Variants in GPLD1 observed in about 807,000 individuals in gnomAD.
The protein encoded by GPLD1 is phosphatidylinositol-glycan-specific phospholipase D.
In GPLD1, 84 loss-of-function variants were observed where a neutral mutation model predicts 112.6. That is an observed-to-expected ratio of 0.75 (90% CI 0.63 to 0.89). The LOEUF (loss-of-function observed/expected upper bound fraction) is 0.89, where lower values mean the gene tolerates loss of function less well. Among genes scored for constraint, GPLD1 ranks in the 40% least tolerant of loss-of-function variants. The pLI, the probability that GPLD1 is intolerant of heterozygous loss-of-function variation, is 0.00. For synonymous variants in GPLD1, 386 were observed against 403.8 expected (o/e 0.96, Z 0.53); for missense variants, 1,044 against 1,051.5 (o/e 0.99, Z 0.10).
chr6:24,483,102 C>T (rs1453194428), intron 2 of GPLD1, among the ~76,000 whole-genome samples: 4 of 151,322 alleles, frequency 2.6e-5, no homozygotes, highest in South Asian at 2.1e-4. Context: ...CTGACGCGGG[C>T]GGATCACTCG....
At chr6:24,456,784 C>A in intron 12 of GPLD1, 147 bp from the exon 13 acceptor site, 1 of 533,286 alleles carries the variant, frequency 1.9e-6, no homozygotes, top group South Asian at 3.1e-5. Flanking sequence ...GTCCTATCAG[C>A]AAGTAAGATC....
At chr6:24,474,257 A>G (rs1349308867) in intron 5 of GPLD1, among the ~76,000 whole-genome samples, 2 of 152,134 alleles carry the variant, frequency 1.3e-5, no homozygotes, top group Non-Finnish European at 2.9e-5. Flanking sequence ...AAGCTACTAC[A>G]GACAACTCTG....
chr6:24,462,283 C>G lies in GPLD1; in HGVS notation c.887+447G>C, dbSNP rs1174574446. On this transcript the variant is annotated intron_variant, in intron 11 of 24. Coordinates refer to ENST00000230036, the MANE Select transcript of GPLD1 (RefSeq NM_001503.4). Reference sequence around the variant, plus strand: ...AAGTAGCTGGGACTACAGGCACACACCACCATACCTGGCTAATTTTGTTCA... The same window carrying G: ...AAGTAGCTGGGACTACAGGCACACAGCACCATACCTGGCTAATTTTGTTCA... Among the ~76,000 whole-genome samples, 3 of 152,116 alleles carry G rather than the reference C, an allele frequency of 2.0e-5. 1 individual carries two copies. Among genetic ancestry groups the G allele is most frequent in the Admixed American group, 2.0e-4 (3 of 15,268 alleles).
Position 24,489,462 on chromosome 6 carries a change from A to G in GPLD1, c.50T>C (p.Leu17Pro), listed in dbSNP as rs1581795046. 1.9e-6 allele frequency: 3 copies of G among 1,614,072 alleles called. No homozygotes were observed. The highest frequency in any genetic ancestry group is 2.5e-6 in the Non-Finnish European group (3 of 1,179,934). Residue 17 changes from leucine (L) to proline (P), a missense_variant, in exon 1 of 25, where the codon CTC (leucine) becomes CCC (proline). Leu to Pro is a moderately conservative substitution (Grantham distance 98, BLOSUM62 -3). Transcript: ENST00000230036. The part of the protein sequence containing the change: ...WPGLLIMLGS[L>P]CHRGSPCGLS... Reference sequence around the variant, plus strand: ...GCCACACGGTGAACCTCTATGGCAGAGAGAACCCAACATGATCAGCAGGCC... The same window carrying G: ...GCCACACGGTGAACCTCTATGGCAGGGAGAACCCAACATGATCAGCAGGCC...
intron 1 of GPLD1, among the ~76,000 whole-genome samples, chr6:24,488,007 C>T (rs1376328397): frequency 1.3e-5 from 2 of 152,104 alleles, no homozygotes; most frequent in Non-Finnish European, 2.9e-5. Flanking sequence ...GTATATATGT[C>T]TATTTTGCAC....
At chr6:24,488,951 A>G (rs946047658) in intron 1 of GPLD1, among the ~76,000 whole-genome samples, 1 of 152,066 alleles carries the variant, frequency 6.6e-6, no homozygotes, top group Non-Finnish European at 1.5e-5. Flanking sequence ...AAGCACTTTT[A>G]CAGCAATTTG....
chr6:24,476,337 A>C, intron 3 of GPLD1, 59 bp from the exon 4 acceptor site: 1 of 822,764 alleles, frequency 1.2e-6, no homozygotes, highest in Non-Finnish European at 2.1e-6. Flanking sequence ...GTCTCAATCA[A>C]ATCTTCCACA....
chr6:24,467,382 C>A, intron 7 of GPLD1, 108 bp from the exon 8 acceptor site: 1 of 687,720 alleles, frequency 1.5e-6, no homozygotes, highest in South Asian at 1.7e-5. Flanking sequence ...TGCCAGGCAC[C>A]ATGTAAAAGT....
chr6:24,443,199 A>G (rs1323455429), intron 20 of GPLD1, among the ~76,000 whole-genome samples: 10 of 152,176 alleles, frequency 6.6e-5, no homozygotes, highest in Non-Finnish European at 7.3e-5. Flanking sequence ...TTGAAGCAAA[A>G]GAAACTGTTT....
exon 1 of GPLD1, chr6:24,494,989 C>T: frequency 7.6e-7 from 1 of 1,314,628 alleles, no homozygotes; most frequent in Non-Finnish European, 9.7e-7. Context: ...GCCGTCGTTG[C>T]CCGGGCCATG....
chr6:24,466,747 C>G lies in GPLD1; in HGVS notation c.754G>C (p.Asp252His). The G allele has an allele frequency of 6.2e-7, 1 of 1,610,526 alleles. No individual in the cohort carries two copies. The highest frequency in any genetic ancestry group is 8.5e-7 in the Non-Finnish European group (1 of 1,176,786). Reference sequence around the variant, plus strand: ...TTAGTGGACCAAAATGCCATATCATCCAGTCCTCCAAGAAAATACTCTTGG... The same window carrying G: ...TTAGTGGACCAAAATGCCATATCATGCAGTCCTCCAAGAAAATACTCTTGG... ...QFQEYFLGGL[D>H]DMAFWSTNIY... is the part of the protein sequence containing the mutation. The change falls in exon 10 of 25, where the codon GAT (aspartate) becomes CAT (histidine). Residue 252 changes from aspartate (D) to histidine (H), a missense_variant. Coordinates refer to ENST00000230036, the MANE Select transcript of GPLD1 (RefSeq NM_001503.4).
intron 20 of GPLD1, among the ~76,000 whole-genome samples, chr6:24,444,475 C>T (rs1418028501): frequency 1.3e-5 from 2 of 150,658 alleles, no homozygotes; most frequent in Non-Finnish European, 2.9e-5. Context: ...CCTTTATAAT[C>T]TGGGAGGAAA....
In GPLD1 at chr6:24,433,210, TGAG is replaced by T. The variant is rs771848132; in HGVS notation, c.2410_2412del (p.Leu804del). On this transcript the variant is annotated inframe_deletion, in exon 24 of 25. Transcript: ENST00000230036. ...ACCTTTGCCTTGGACCTCACGGTGA[TGAG>T]GGAGCTCCCAAACCTTGAGCTGGCC... 1 of 1,613,286 alleles carries T rather than the reference TGAG, an allele frequency of 6.2e-7. No homozygotes were observed. Among genetic ancestry groups the T allele is most frequent in the Non-Finnish European group, 8.5e-7 (1 of 1,179,214 alleles).
intron 20 of GPLD1, among the ~76,000 whole-genome samples, chr6:24,440,775 C>A (rs991557050): frequency 2.7e-5 from 4 of 150,256 alleles, no homozygotes; most frequent in Non-Finnish European, 5.9e-5. Flanking sequence ...ATATATATTT[C>A]TTTCTGGAAA....
intron 13 of GPLD1, among the ~76,000 whole-genome samples, chr6:24,455,260 C>A (rs1426960245): frequency 6.6e-6 from 1 of 152,220 alleles, no homozygotes; most frequent in African/African-American, 2.4e-5. Context: ...TATGTAGCTG[C>A]CAGCCCAGCA....
chr6:24,491,778 G>A (rs929738565), upstream of GPLD1, among the ~76,000 whole-genome samples: 3 of 151,504 alleles, frequency 2.0e-5, no homozygotes, highest in Non-Finnish European at 4.4e-5. Context: ...GCATTTTTTT[G>A]TATTTGAGAT....
chr6:24,467,508 C>T (rs1763658315), intron 7 of GPLD1, among the ~76,000 whole-genome samples: 1 of 152,038 alleles, frequency 6.6e-6, no homozygotes, highest in African/African-American at 2.4e-5. Context: ...ATAATTGGCC[C>T]AATGATGCAG....
rs767144636 is a variant in GPLD1, at chr6:24,475,814, C to T, written c.330+367G>A. On this transcript the variant is annotated intron_variant, in intron 4 of 24. Transcript: ENST00000230036. The stretch of plus-strand genomic sequence containing the variant: ...TGGAGCTTGCAGTGAGCTAAGATCG[C>T]GCCACTGCACTCCAGCCTGGGTGAC... 2.2e-4 allele frequency among the ~76,000 whole-genome samples: 34 copies of T among 151,976 alleles called. 1 individual carries two copies. The highest frequency in any genetic ancestry group is 6.8e-3 in the Middle Eastern group (2 of 292).
At chr6:24,459,622 T>A (rs1335400508) in intron 12 of GPLD1, among the ~76,000 whole-genome samples, 1 of 152,210 alleles carries the variant, frequency 6.6e-6, no homozygotes, top group East Asian at 1.9e-4. Flanking sequence ...ACATAATGGT[T>A]ATTTTTGTAT....
Sources: gnomAD v4.1 joint callset for allele counts (sites outside exome capture counted in the v4.1 genomes callset) on GRCh38, gnomAD v4.1.1 for gene constraint, MANE v1.5 for transcripts, NCBI Gene and HGNC (gene_info 2026-07-23, HGNC 2026-07-21) for gene names.